Variants in SENP6 observed in about 807,000 individuals in gnomAD.
The protein encoded by SENP6 is sentrin-specific protease 6.
A neutral mutation model predicts 134.5 loss-of-function variants in SENP6; 41 were observed. The ratio of observed to expected loss-of-function variants is 0.30; its 90% CI spans 0.24 to 0.40. The LOEUF (loss-of-function observed/expected upper bound fraction) is 0.40, where lower values mean the gene tolerates loss of function less well. Ranked by LOEUF, SENP6 falls within the 10% of genes least tolerant of loss-of-function variation. The pLI is 1.00. For missense variants in SENP6, 1,248 were observed against 1,312.5 expected (o/e 0.95, Z 0.76); for synonymous variants, 395 against 429.8 (o/e 0.92, Z 1.00).
intron 18 of SENP6, among the ~76,000 whole-genome samples, chr6:75,701,713 C>T (rs1445069951): frequency 7.3e-6 from 1 of 136,260 alleles, no homozygotes; most frequent in Non-Finnish European, 1.5e-5. Context: ...AATCTCAGCT[C>T]ACTGCAACCT....
Position 75,675,485 on chromosome 6 carries a change from C to A in SENP6, c.1426+17C>A. 1 of 1,406,600 alleles carries A rather than the reference C, an allele frequency of 7.1e-7. No individual in the cohort carries two copies. Among genetic ancestry groups the A allele is most frequent in the Non-Finnish European group, 9.8e-7 (1 of 1,023,524 alleles). 87.1% of individuals were successfully genotyped at this position (1,406,600 alleles called of 1,614,324 possible). A position where few individuals can be genotyped will look rare whatever the true frequency, so the allele number is the denominator to read the frequency against. ...AGCTAGACGGTAAGCTATTTTATGT[C>A]TTTTTACTTACCAAAGCTTTCTTTA... On this transcript the variant is annotated intron_variant, in intron 12 of 23. Coordinates refer to ENST00000447266, the MANE Select transcript of SENP6 (RefSeq NM_015571.4).
intron 3 of SENP6, among the ~76,000 whole-genome samples, chr6:75,632,206 CA>C (rs1769164019): frequency 6.6e-6 from 1 of 152,104 alleles, no homozygotes. Flanking sequence ...GATACCATAG[CA>C]GAACTTTAGA....
At chr6:75,702,053 C>A (rs1775070419) in intron 18 of SENP6, among the ~76,000 whole-genome samples, 1 of 135,508 alleles carries the variant, frequency 7.4e-6, no homozygotes, top group Non-Finnish European at 1.6e-5. Context: ...ATGAATTTTT[C>A]ATTCCAAAAA....
intron 5 of SENP6, 62 bp from the exon 6 acceptor site, chr6:75,640,622 A>G: frequency 1.8e-6 from 2 of 1,135,594 alleles, no homozygotes; most frequent in Non-Finnish European, 2.4e-6. Flanking sequence ...TACTGCAACT[A>G]CAGTGATATA....
rs1774624269 is a variant in SENP6 at position 75,695,814 on chromosome 6, C to G, written c.2086C>G (p.Leu696Val). The change falls in exon 17 of 24, where the codon CTT (leucine) becomes GTT (valine). Residue 696 changes from leucine to valine, a missense_variant. Physicochemically the swap from Leu to Val is conservative, Grantham distance 32. Coordinates refer to ENST00000447266, the MANE Select transcript of SENP6 (RefSeq NM_015571.4). Reference protein sequence around the residue: ...IIDFYLKYLVLEKLKKEDADR... With the variant: ...IIDFYLKYLVVEKLKKEDADR... ...TTTTCTATCAAATAGATACTTGGTG[C>G]TTGAAAAACTGAAGAAGGAAGACGC... 6.3e-7 allele frequency: 1 copy of G among 1,586,046 alleles called. No homozygotes were observed. Among genetic ancestry groups the G allele is most frequent in the Non-Finnish European group, 8.6e-7 (1 of 1,166,596 alleles).
At chr6:75,713,483 A>G (rs757172033) in intron 21 of SENP6, 30 bp from the exon 22 acceptor site, 3 of 1,557,416 alleles carry the variant, frequency 1.9e-6, no homozygotes, top group South Asian at 1.1e-5. Flanking sequence ...ATTATGAAGT[A>G]TTCGACTTTT....
intron 16 of SENP6, among the ~76,000 whole-genome samples, chr6:75,691,865 G>GT (rs921375969): frequency 6.6e-6 from 1 of 150,834 alleles, no homozygotes; most frequent in East Asian, 2.0e-4. Context: ...TTGTTTTTTG[G>GT]TTTTTTTTGA....
chr6:75,676,850 G>T (rs1469383529), intron 13 of SENP6, 180 bp from the exon 14 acceptor site: 12 of 508,522 alleles, frequency 2.4e-5, no homozygotes, highest in Non-Finnish European at 3.8e-5. Context: ...ACATTGGCAT[G>T]TAACACATAC....
chr6:75,679,214 G>A (rs1038182426), intron 16 of SENP6: 5 of 253,484 alleles, frequency 2.0e-5, no homozygotes, highest in African/African-American at 4.7e-5. Context: ...AAGAGTTCAC[G>A]ACCAGCCTGG....
At chr6:75,652,254 G>A (rs138935356) in intron 7 of SENP6, among the ~76,000 whole-genome samples, 3 of 151,444 alleles carry the variant, frequency 2.0e-5, no homozygotes, top group Non-Finnish European at 4.4e-5. Flanking sequence ...CTCGTGATCC[G>A]CCTGCCTCAG....
In SENP6 at chr6:75,716,365, C is replaced by A. The variant is rs1221362085; in HGVS notation, c.*771C>A. 2 of 152,016 alleles carry A rather than the reference C, an allele frequency of 1.3e-5. No homozygotes were observed. The highest frequency in any genetic ancestry group is 4.8e-5 in the African/African-American group (2 of 41,446). The allele number at this position is 152,016 out of a possible 1,614,324, so 9.4% of individuals were successfully genotyped here. On this transcript the variant is annotated 3_prime_UTR_variant, in exon 24 of 24. Transcript: ENST00000447266. ...TATCCCGTGTTACCTTTCTCTATTA[C>A]AGCTTAAAGTATGCTACAATCTGTG...
intron 16 of SENP6, among the ~76,000 whole-genome samples, chr6:75,690,343 A>G (rs1774152839): frequency 6.6e-6 from 1 of 152,234 alleles, no homozygotes; most frequent in African/African-American, 2.4e-5. Flanking sequence ...ATATAATGCA[A>G]TATGTATACA....
chr6:75,634,728 A>G lies in SENP6; in HGVS notation c.375A>G (p.Ser125=), dbSNP rs953443746. The G allele has an allele frequency of 1.9e-6, 3 of 1,582,138 alleles. No homozygotes were observed. Among genetic ancestry groups the G allele is most frequent in the African/African-American group, 2.7e-5 (2 of 72,912 alleles). The change falls in exon 5 of 24, where the codon TCA becomes TCG. Residue 125 remains serine, a synonymous_variant. Transcript: ENST00000447266. Reference sequence around the variant, plus strand: ...GCAGTGAAAATACGCAAAATACGTCATTATGTTCTGGAACTGTAGTTCATG... The same window carrying G: ...GCAGTGAAAATACGCAAAATACGTCGTTATGTTCTGGAACTGTAGTTCATG... ...KKLSENTQNT[S]LCSGTVVHGR...
At chr6:75,652,696 A>AAAAAAAAAAAAG (rs796549538) in intron 7 of SENP6, among the ~76,000 whole-genome samples, 2 of 148,816 alleles carry the variant, frequency 1.3e-5, no homozygotes, top group East Asian at 4.2e-4. Context: ...AAAAAAAAAA[A>AAAAAAAAAAAAG]AAAAAAAGAA....
chr6:75,631,139 T>G (rs1240260856), intron 3 of SENP6, among the ~76,000 whole-genome samples: 3 of 152,174 alleles, frequency 2.0e-5, no homozygotes, highest in Non-Finnish European at 4.4e-5. Flanking sequence ...GTTTCAATTC[T>G]TTGTTTTTCA....
chr6:75,682,267 A>G (rs1460357870), intron 16 of SENP6, among the ~76,000 whole-genome samples: 6 of 152,180 alleles, frequency 3.9e-5, no homozygotes. Flanking sequence ...AAACAGACAA[A>G]TCCACAAATA....
At position 75,699,516 on chromosome 6, in the gene SENP6, CTCTG is replaced by C. The variant is rs1331236541; in HGVS notation, c.2288+2006_2288+2009del. Among the ~76,000 whole-genome samples, 11 of 151,866 alleles carry C rather than the reference CTCTG, an allele frequency of 7.2e-5. 1 individual carries two copies. The highest frequency in any genetic ancestry group is 4.2e-4 in the South Asian group (2 of 4,812). ...TCTTTCTTTTTTCTCGAGATAGGGT[CTCTG>C]TCTGTCACTCAGGCTGGAATGTAGT... On this transcript the variant is annotated intron_variant, in intron 18 of 23. Coordinates refer to ENST00000447266, the MANE Select transcript of SENP6 (RefSeq NM_015571.4).
chr6:75,689,344 T>A (rs954955579), intron 16 of SENP6, among the ~76,000 whole-genome samples: 1 of 152,168 alleles, frequency 6.6e-6, no homozygotes, highest in Non-Finnish European at 1.5e-5. Flanking sequence ...TCAGTAATCA[T>A]TAGAGAAATG....
At chr6:75,702,203 T>TA (rs990113583) in intron 18 of SENP6, among the ~76,000 whole-genome samples, 21 of 141,050 alleles carry the variant, frequency 1.5e-4, no homozygotes, top group East Asian at 1.0e-3. Flanking sequence ...ATTTGAGAAC[T>TA]AAAAAAAAAA....
Sources: allele counts gnomAD v4.1 joint callset (sites outside exome capture counted in the v4.1 genomes callset), GRCh38; gene constraint gnomAD v4.1.1; transcripts MANE v1.5; gene names NCBI Gene and HGNC (gene_info 2026-07-23, HGNC 2026-07-21).